The following USP9X variants were observed in gnomAD, a reference collection of about 807,000 sequenced individuals.
USP9X encodes ubiquitin carboxyl-terminal hydrolase 9X.
In USP9X, 7 loss-of-function variants were observed where a neutral mutation model predicts 190.3. The ratio of observed to expected loss-of-function variants is 0.04; its 90% CI spans 0.02 to 0.07. The LOEUF (loss-of-function observed/expected upper bound fraction) is 0.07. USP9X is among the 10% of genes least tolerant of loss of function. The probability of loss-of-function intolerance (pLI) is 1.00; values close to 1 mark genes in which losing one functional copy is unlikely to be tolerated. For synonymous variants in USP9X, 645 were observed against 659.5 expected, an observed-to-expected ratio of 0.98 and a Z score of 0.34; for missense variants, 1,010 against 1,916.9, an observed-to-expected ratio of 0.53 and a Z score of 8.83.
At chrX:41,137,057 A>G (rs1158232158) in intron 6 of USP9X, 35 bp downstream of exon 6, 2 of 1,128,868 alleles carry the variant, frequency 1.8e-6, no homozygotes, top group African/African-American at 1.8e-5. Flanking sequence ...ATTAAATAAT[A>G]CAATTGTTTT....
chrX:41,094,185 T>TTTTTTC (rs1491155556), intron 1 of USP9X, among the ~76,000 whole-genome samples: 4 of 18,949 alleles, frequency 2.1e-4, no homozygotes, highest in Non-Finnish European at 3.3e-4. Flanking sequence ...TTCTTTTTTC[T>TTTTTTC]TTTTTTTTGA....
chrX:41,195,046 CT>C (rs931341447), intron 26 of USP9X, among the ~76,000 whole-genome samples: 1 of 104,685 alleles, frequency 9.6e-6, no homozygotes, highest in Non-Finnish European at 1.9e-5. Flanking sequence ...TTTTTTCTTT[CT>C]TTTTTTTGGA....
At chrX:41,148,271 C>T (rs2062488651) in intron 11 of USP9X, 98 bp from the exon 12 acceptor site, 6 of 870,889 alleles carry the variant, frequency 6.9e-6, no homozygotes, top group African/African-American at 2.0e-5. Flanking sequence ...TGCTTAGCTA[C>T]GTTGCTTTTG....
rs774827646 is a variant in USP9X, at chrX:41,217,077, A to T, written c.6086-143A>T. The T allele has an allele frequency of 4.5e-5, 30 of 671,614 alleles. No homozygotes were observed. In the African/African-American group the frequency reaches 6.6e-4, roughly 15 times the overall value. 55.3% of individuals were successfully genotyped at this position (671,614 alleles called of 1,213,427 possible). A position where few individuals can be genotyped will look rare whatever the true frequency, so the allele number is the denominator to read the frequency against. On this transcript the variant is annotated intron_variant, in intron 35 of 44. Transcript: ENST00000378308. ...CTCCATCTCAAAAAAATAAAATAAA[A>T]AAATAAATGGGTCTAAATTAAAGTA...
chrX:41,201,405 C>T (rs937475979), intron 31 of USP9X, 125 bp downstream of exon 31: 6 of 652,329 alleles, frequency 9.2e-6, no homozygotes, highest in Admixed American at 3.1e-5. Flanking sequence ...TAGGGATGGG[C>T]CGAGCACACA....
intron 14 of USP9X, among the ~76,000 whole-genome samples, chrX:41,157,441 T>C: frequency 9.0e-6 from 1 of 111,050 alleles, no homozygotes; most frequent in Non-Finnish European, 1.9e-5. Flanking sequence ...GGGCTTATAC[T>C]GATGCAGGGG....
At chrX:41,123,771 A>G (rs983541888) in intron 2 of USP9X, 47 bp downstream of exon 2, 1 of 1,125,253 alleles carries the variant, frequency 8.9e-7, no homozygotes, top group Admixed American at 2.4e-5. Context: ...GGCTGGACTC[A>G]GTGGTTCACA....
At chrX:41,223,177 TC>T in intron 38 of USP9X, 39 bp from the exon 39 acceptor site, 1 of 1,165,720 alleles carries the variant, frequency 8.6e-7, no homozygotes, top group Non-Finnish European at 1.1e-6. Context: ...CATATTTTTC[TC>T]CCTCTCTTTC....
chrX:41,199,189 A>AAAAAG (rs766918025), intron 30 of USP9X, among the ~76,000 whole-genome samples: 11 of 110,898 alleles, frequency 9.9e-5, no homozygotes, highest in East Asian at 2.8e-4. Context: ...ATCTCAGAAA[A>AAAAAG]AAAAGAAAAG....
chrX:41,219,185 T>A lies in USP9X; in HGVS notation c.6519T>A (p.Arg2173=). Residue 2173 remains arginine (R), a synonymous_variant, in exon 38 of 45, where the codon CGT becomes CGA. Transcript: ENST00000378308. Reference sequence around the variant, plus strand: ...GAAGGGAAGTTTCAGAGCATGGGCGTCATTTACAGCAGTATTTCAACCTGT... The same window carrying A: ...GAAGGGAAGTTTCAGAGCATGGGCGACATTTACAGCAGTATTTCAACCTGT... ...LLRREVSEHG[R]HLQQYFNLFV... is the part of the protein sequence containing the mutation. 8.3e-7 allele frequency: 1 copy of A among 1,211,354 alleles called. No homozygotes were observed. The highest frequency in any genetic ancestry group is 1.1e-6 in the Non-Finnish European group (1 of 895,123).
intron 4 of USP9X, among the ~76,000 whole-genome samples, chrX:41,133,849 G>A (rs1416075363): frequency 2.7e-5 from 3 of 112,199 alleles, no homozygotes; most frequent in Non-Finnish European, 3.8e-5. Flanking sequence ...CAGTTAACAC[G>A]TAAGTTGGTT....
rs2063390340 is a variant in USP9X at position 41,234,957 on chromosome X, C to G, written c.*2433C>G. 8.9e-6 allele frequency: 1 copy of G among 112,403 alleles called. No homozygotes were observed. Among genetic ancestry groups the G allele is most frequent in the Non-Finnish European group, 1.9e-5 (1 of 53,229 alleles). The allele number at this position is 112,403 out of a possible 1,213,427, so 9.3% of individuals were successfully genotyped here. A position where few individuals can be genotyped will look rare whatever the true frequency, so the allele number is the denominator to read the frequency against. On this transcript the variant is annotated 3_prime_UTR_variant, in exon 45 of 45. Coordinates refer to ENST00000378308, the MANE Select transcript of USP9X (RefSeq NM_001039591.3). ...TATTTGGATGAGTTAGGTGTACCAT[C>G]TCACCATCTGAGAGGAGATTTATAT...
chrX:41,194,867 T>C (rs2062968653), intron 26 of USP9X, among the ~76,000 whole-genome samples: 2 of 110,992 alleles, frequency 1.8e-5, no homozygotes. Context: ...TAATTAAAGG[T>C]AGATGATGTC....
intron 1 of USP9X, among the ~76,000 whole-genome samples, chrX:41,113,430 G>T (rs758812189): frequency 9.0e-6 from 1 of 111,082 alleles, no homozygotes; most frequent in South Asian, 3.8e-4. Flanking sequence ...TCCAACTCCC[G>T]ATTTGTGATC....
Position 41,186,723 on chromosome X carries a change from A to C in USP9X, c.3684+81A>C, listed in dbSNP as rs969094333. The C allele has an allele frequency of 3.7e-5, 39 of 1,043,665 alleles. 1 individual carries two copies. In the African/African-American group the frequency reaches 6.2e-4, roughly 17 times the overall value. 86.0% of individuals were successfully genotyped at this position (1,043,665 alleles called of 1,213,427 possible). On this transcript the variant is annotated intron_variant, in intron 24 of 44. Coordinates refer to ENST00000378308, the MANE Select transcript of USP9X (RefSeq NM_001039591.3). ...TAATCACTGTCTCATTCTATAGATA[A>C]TGTCCCCTTAATATCAGTTTTGTCT...
Position 41,210,650 on chromosome X carries a change from T to C in USP9X, c.5157T>C (p.Ala1719=), listed in dbSNP as rs1325222704. 8.3e-7 allele frequency: 1 copy of C among 1,210,871 alleles called. No individual in the cohort carries two copies. ...MLSKVLGGSF[A]DQKICQGCPH... ...GTAAAGTCTTAGGAGGTTCCTTTGC[T>C]GATCAGAAGATCTGCCAAGGCTGCC... Residue 1719 remains alanine, a synonymous_variant, in exon 33 of 45, where the codon GCT becomes GCC. Transcript: ENST00000378308.
intron 33 of USP9X, among the ~76,000 whole-genome samples, chrX:41,212,479 TA>T (rs1196185790): frequency 6.6e-5 from 6 of 90,334 alleles, no homozygotes; most frequent in African/African-American, 1.2e-4. Flanking sequence ...AAAAAAAGCC[TA>T]AAAAAATAAA....
rs1009675953 is a variant in USP9X, at chrX:41,136,721, G to A, written c.436-83G>A. On this transcript the variant is annotated intron_variant, in intron 5 of 44. Coordinates refer to ENST00000378308, the MANE Select transcript of USP9X (RefSeq NM_001039591.3). ...AAATGGAGAGATCGTTATTTGTTAG[G>A]ATACGATTAATATTGGAAGATATTT... 43 of 665,821 alleles carry A rather than the reference G, an allele frequency of 6.5e-5. 1 individual carries two copies. In the South Asian group the frequency reaches 1.2e-3, roughly 18 times the overall value. 54.9% of individuals were successfully genotyped at this position (665,821 alleles called of 1,213,427 possible).
In USP9X at chrX:41,217,203, C is replaced by T; in HGVS notation, c.6086-17C>T. ...GGAAAATAAAAATGTGTTTTTATAT[C>T]TGCATTTTATTTATAGGGCAAGATC... On this transcript the variant is annotated splice_polypyrimidine_tract_variant and intron_variant, in intron 35 of 44. Coordinates refer to ENST00000378308, the MANE Select transcript of USP9X (RefSeq NM_001039591.3). The T allele has an allele frequency of 1.7e-6, 2 of 1,185,207 alleles. No homozygotes were observed. Among genetic ancestry groups the T allele is most frequent in the Non-Finnish European group, 2.3e-6 (2 of 884,857 alleles).
Sources: gnomAD v4.1 joint callset for allele counts (sites outside exome capture counted in the v4.1 genomes callset) on GRCh38, gnomAD v4.1.1 for gene constraint, MANE v1.5 for transcripts, NCBI Gene and HGNC (gene_info 2026-07-23, HGNC 2026-07-21) for gene names.